VPS54: variants seen among roughly 807,000 people sequenced by gnomAD.
VPS54 encodes the protein VPS54 subunit of GARP complex, also known as vacuolar protein sorting-associated protein 54.
A neutral mutation model predicts 121.5 loss-of-function variants in VPS54; 45 were observed. That is an observed-to-expected ratio of 0.37 (90% confidence interval 0.29 to 0.47). VPS54 has a LOEUF of 0.47. VPS54 is among the 20% of genes least tolerant of loss of function. The pLI, the probability that VPS54 is intolerant of heterozygous loss-of-function variation, is 0.99. For missense variants in VPS54, 1,090 were observed against 1,131.4 expected, an observed-to-expected ratio of 0.96 and a Z score of 0.52; for synonymous variants, 371 against 385.8, an observed-to-expected ratio of 0.96 and a Z score of 0.45.
At chr2:63,959,963 T>C (rs1433223395) in intron 7 of VPS54, among the ~76,000 whole-genome samples, 1 of 152,020 alleles carries the variant, frequency 6.6e-6, no homozygotes, top group Non-Finnish European at 1.5e-5. Flanking sequence ...GAGGTTGCAG[T>C]GAACCGAGAT....
chr2:63,937,605 T>C (rs1216821688), intron 11 of VPS54, among the ~76,000 whole-genome samples: 2 of 152,028 alleles, frequency 1.3e-5, no homozygotes, highest in Admixed American at 6.6e-5. Flanking sequence ...AAATTACAAA[T>C]AGGATGACCG....
chr2:63,946,195 C>T (rs903368235), intron 9 of VPS54, among the ~76,000 whole-genome samples: 4 of 152,108 alleles, frequency 2.6e-5, no homozygotes, highest in Non-Finnish European at 4.4e-5. Flanking sequence ...CTATGATATT[C>T]ATTTGTTATT....
chr2:63,937,401 A>T (rs1172705673), intron 11 of VPS54, among the ~76,000 whole-genome samples: 1 of 152,228 alleles, frequency 6.6e-6, no homozygotes, highest in East Asian at 1.9e-4. Context: ...GATGCTCAAC[A>T]TCACTCATCA....
intron 20 of VPS54, among the ~76,000 whole-genome samples, chr2:63,900,247 A>G (rs1332471539): frequency 6.8e-6 from 1 of 148,086 alleles, no homozygotes; most frequent in Non-Finnish European, 1.5e-5. Flanking sequence ...AAAAAAAAGA[A>G]TGTGTCAGTA....
chr2:63,920,750 C>A, intron 13 of VPS54, 123 bp from the exon 14 acceptor site: 1 of 521,686 alleles, frequency 1.9e-6, no homozygotes, highest in Non-Finnish European at 2.8e-6. Flanking sequence ...CCCAATACTT[C>A]AGACCCAGAA....
chr2:63,965,909 G>A lies in VPS54; in HGVS notation c.550C>T (p.Pro184Ser). The A allele has an allele frequency of 6.2e-7, 1 of 1,612,564 alleles. No homozygotes were observed. Among genetic ancestry groups the A allele is most frequent in the Non-Finnish European group, 8.5e-7 (1 of 1,179,566 alleles). ...CCAGCAGTATTAAAATGAGACCATG[G>A]TAAAACTGAATTAAAAGTTAAGGAA... ...DDSLTFNSVL[P>S]WSHFNTAGGK... The change falls in exon 6 of 23, where the codon CCA (proline) becomes TCA (serine). Residue 184 changes from proline to serine, a missense_variant. Pro to Ser is a moderately conservative substitution (Grantham distance 74, BLOSUM62 -1). Transcript: ENST00000272322.
At chr2:63,944,501 G>A (rs1399775055) in intron 10 of VPS54, 99 bp downstream of exon 10, 1 of 1,194,648 alleles carries the variant, frequency 8.4e-7, no homozygotes, top group African/African-American at 1.5e-5. Context: ...TCACACCTTA[G>A]TAAATAATTC....
chr2:63,981,832 C>A lies in VPS54; in HGVS notation c.192G>T (p.Trp64Cys). Residue 64 changes from tryptophan to cysteine, a missense_variant, in exon 3 of 23, where the codon TGG becomes TGT. By Grantham distance (215) the Trp-to-Cys change is radical (BLOSUM62 -2). Around this residue, in one of 2 missense-constraint regions of VPS54, gnomAD observed 801 missense variants for 757.0 expected, o/e 1.06. Transcript: ENST00000272322. ...APSLVTDQHRWTVYHSKVNLP... is the reference protein window; with the variant it reads ...APSLVTDQHRCTVYHSKVNLP... ...GATTTACTTTGGAATGATATACAGT[C>A]CATCTATGTTGATCTGTAACTAGAG... 1.2e-6 allele frequency: 2 copies of A among 1,613,462 alleles called. No homozygotes were observed. The highest frequency in any genetic ancestry group is 1.1e-5 in the South Asian group (1 of 91,022).
At chr2:63,958,940 G>C (rs774983305) in intron 7 of VPS54, among the ~76,000 whole-genome samples, 20 of 152,104 alleles carry the variant, frequency 1.3e-4, no homozygotes, top group Non-Finnish European at 4.4e-5. Context: ...AGACAAAAAC[G>C]TGTGAAATTC....
At chr2:63,969,214 T>C (rs1448248828) in intron 4 of VPS54, among the ~76,000 whole-genome samples, 1 of 152,148 alleles carries the variant, frequency 6.6e-6, no homozygotes, top group African/African-American at 2.4e-5. Context: ...ATAGCAGCAA[T>C]AAAACAGCAA....
chr2:63,932,933 G>T (rs1253471338), intron 12 of VPS54, among the ~76,000 whole-genome samples: 1 of 152,042 alleles, frequency 6.6e-6, no homozygotes, highest in African/African-American at 2.4e-5. Context: ...GTGTTCTTGT[G>T]TTTAGGAAAT....
intron 20 of VPS54, among the ~76,000 whole-genome samples, chr2:63,910,363 T>C (rs555522330): frequency 2.6e-5 from 4 of 152,342 alleles, no homozygotes; most frequent in South Asian, 2.1e-4. Context: ...TATATTTTTT[T>C]AAATGAGGAG....
chr2:64,013,464 GAAA>G (rs1211120708), intron 1 of VPS54, among the ~76,000 whole-genome samples: 1 of 151,512 alleles, frequency 6.6e-6, no homozygotes, highest in African/African-American at 2.4e-5. Context: ...TTTGAGGGGG[GAAA>G]AAGCTATAAA....
chr2:63,988,800 C>G (rs1677176021), intron 1 of VPS54, among the ~76,000 whole-genome samples: 1 of 151,928 alleles, frequency 6.6e-6, no homozygotes, highest in South Asian at 2.1e-4. Context: ...ATCTGGGTAC[C>G]TTGAAAAAAA....
At chr2:63,896,293 G>C (rs904103320) in intron 22 of VPS54, among the ~76,000 whole-genome samples, 2 of 152,074 alleles carry the variant, frequency 1.3e-5, no homozygotes, top group Non-Finnish European at 2.9e-5. Context: ...AGTATTTAAG[G>C]GTTAAATTTT....
At chr2:63,995,776 T>C (rs1677553602) in intron 1 of VPS54, among the ~76,000 whole-genome samples, 1 of 152,260 alleles carries the variant, frequency 6.6e-6, no homozygotes, top group Non-Finnish European at 1.5e-5. Context: ...TGTATTCCTA[T>C]AACGAGACTG....
intron 7 of VPS54, among the ~76,000 whole-genome samples, chr2:63,953,126 A>ATTTTTTT (rs1194371865): frequency 2.5e-4 from 30 of 119,188 alleles, no homozygotes; most frequent in Non-Finnish European, 3.5e-4. Flanking sequence ...GAAATTTTTA[A>ATTTTTTT]TTTTTTTTTT....
In VPS54 at chr2:63,942,450, A is replaced by C. The variant is rs1312232857; in HGVS notation, c.1398+15T>G. Reference sequence around the variant, plus strand: ...ATTTTAGGGATATTCTAGACAAACTAATTTATAAGCTTACCTTCACTCTCT... The same window carrying C: ...ATTTTAGGGATATTCTAGACAAACTCATTTATAAGCTTACCTTCACTCTCT... On this transcript the variant is annotated intron_variant, in intron 11 of 22. Coordinates refer to ENST00000272322, the MANE Select transcript of VPS54 (RefSeq NM_016516.3). 5 of 1,544,156 alleles carry C rather than the reference A, an allele frequency of 3.2e-6. No individual in the cohort carries two copies. Among genetic ancestry groups the C allele is most frequent in the African/African-American group, 2.8e-5 (2 of 71,798 alleles).
intron 20 of VPS54, among the ~76,000 whole-genome samples, chr2:63,907,412 A>G (rs1053348312): frequency 2.0e-5 from 3 of 151,726 alleles, no homozygotes; most frequent in Non-Finnish European, 4.4e-5. Context: ...CAGTTACTCA[A>G]GAGGCTGAGG....
Sources: gnomAD v4.1 joint callset for allele counts (sites outside exome capture counted in the v4.1 genomes callset) on GRCh38, gnomAD v4.1.1 for gene constraint, gnomAD v4.1.1 regional missense constraint, MANE v1.5 for transcripts, NCBI Gene and HGNC (gene_info 2026-07-23, HGNC 2026-07-21) for gene names.